The following FAF2 variants were observed in gnomAD, a reference collection of about 807,000 sequenced individuals.
FAF2 encodes the protein Fas associated factor family member 2, also known as FAS-associated factor 2.
In FAF2, 9 loss-of-function variants were observed where a neutral mutation model predicts 62.3. That is an observed-to-expected ratio of 0.14 (90% CI 0.09 to 0.25). FAF2 has a LOEUF of 0.25. FAF2 is among the 10% of genes least tolerant of loss of function. The pLI, the probability that FAF2 is intolerant of heterozygous loss-of-function variation, is 1.00. For missense variants in FAF2, 368 were observed against 556.2 expected, an observed-to-expected ratio of 0.66 and a Z score of 3.40; for synonymous variants, 202 against 198.0, an observed-to-expected ratio of 1.02 and a Z score of -0.17.
At chr5:176,503,943 C>G (rs1343306043) in intron 10 of FAF2, among the ~76,000 whole-genome samples, 1 of 152,068 alleles carries the variant, frequency 6.6e-6, no homozygotes, top group Non-Finnish European at 1.5e-5. Context: ...AGGCGGATCA[C>G]TTAAGGCCAG....
At position 176,494,037 on chromosome 5, in the gene FAF2, G is replaced by A; in HGVS notation, c.522G>A (p.Leu174=). ...NDAKRELRFL[L]VYLHGDDHQD... ...CCAAAAGGGAGCTTCGCTTTCTTTT[G>A]GTTTATCTTCATGGAGATGATCACC... The change falls in exon 6 of 11, where the codon TTG becomes TTA. Residue 174 remains leucine, a synonymous_variant. Coordinates refer to ENST00000261942, the MANE Select transcript of FAF2 (RefSeq NM_014613.3). This position sits in a 1 kb window ranked among gnomAD's most constrained non-coding sequence, Gnocchi z 4.0. The A allele has an allele frequency of 1.2e-6, 2 of 1,613,920 alleles. No individual in the cohort carries two copies. The highest frequency in any genetic ancestry group is 8.5e-7 in the Non-Finnish European group (1 of 1,179,938).
intron 3 of FAF2, among the ~76,000 whole-genome samples, chr5:176,486,877 A>T (rs1758882847): frequency 6.6e-6 from 1 of 152,218 alleles, no homozygotes; most frequent in African/African-American, 2.4e-5. Flanking sequence ...GTTCACTTAA[A>T]TTTGACAGAC....
In FAF2 at chr5:176,494,565, A is replaced by T. The variant is rs181273217; in HGVS notation, c.661+290A>T. Among the ~76,000 whole-genome samples, 32 of 152,066 alleles carry T rather than the reference A, an allele frequency of 2.1e-4. No homozygotes were observed. The highest frequency in any genetic ancestry group is 6.2e-4 in the South Asian group (3 of 4,808). The stretch of plus-strand genomic sequence containing the variant: ...TGTTTTTATTTAATTAATTAAAAAA[A>T]TTTTTTTGAGATGGAGTCTTGCTCT... On this transcript the variant is annotated intron_variant, in intron 7 of 10. Transcript: ENST00000261942. The surrounding 1 kb of genome is among the most constrained non-coding windows in gnomAD (Gnocchi z 4.0).
intron 1 of FAF2, among the ~76,000 whole-genome samples, chr5:176,458,464 C>T (rs188132685): frequency 3.5e-5 from 4 of 115,120 alleles, no homozygotes; most frequent in African/African-American, 6.7e-5. Context: ...CGCTGGAGTG[C>T]GGTGGCTCGA....
intron 9 of FAF2, 125 bp downstream of exon 9, chr5:176,499,210 G>A (rs570863051): frequency 3.4e-6 from 3 of 874,718 alleles, no homozygotes; most frequent in East Asian, 3.2e-5. Context: ...AAAAAAAAAG[G>A]AAAAAGGAAA....
chr5:176,488,804 G>A (rs1758919309), intron 3 of FAF2, 147 bp from the exon 4 acceptor site: 1 of 642,382 alleles, frequency 1.6e-6, no homozygotes, highest in Non-Finnish European at 2.8e-6. Context: ...GCACTTAGAA[G>A]GATGAGGTGG....
intron 1 of FAF2, among the ~76,000 whole-genome samples, chr5:176,457,199 G>GT (rs1421921856): frequency 1.3e-5 from 2 of 151,986 alleles, no homozygotes; most frequent in African/African-American, 2.4e-5. Context: ...TTTTTGTTTT[G>GT]TTTTTTTGAG....
At chr5:176,481,628 G>T (rs1274008542) in intron 2 of FAF2, among the ~76,000 whole-genome samples, 1 of 151,860 alleles carries the variant, frequency 6.6e-6, no homozygotes, top group Non-Finnish European at 1.5e-5. Context: ...CTGCACTCCA[G>T]CCTGGGGGAC....
At chr5:176,505,455 A>G (rs17078245) in intron 10 of FAF2, among the ~76,000 whole-genome samples, 2,565 of 152,248 alleles carry the variant, frequency 0.017, 73 homozygotes, top group African/African-American at 0.058. Context: ...GGTGCAACAC[A>G]TTTATTGTAT....
chr5:176,456,567 G>A (rs1367731978), intron 1 of FAF2, among the ~76,000 whole-genome samples: 1 of 46,552 alleles, frequency 2.1e-5, no homozygotes, highest in African/African-American at 1.3e-4. Flanking sequence ...CTGAGCTCAA[G>A]CAGTCCACCC....
chr5:176,460,513 C>CGCGT (rs1554131473), intron 1 of FAF2, among the ~76,000 whole-genome samples: 2,713 of 132,664 alleles, frequency 0.02, 33 homozygotes, highest in Non-Finnish European at 0.03. Context: ...TTTTTGGCCG[C>CGCGT]GTGTGTGTGT....
intron 1 of FAF2, among the ~76,000 whole-genome samples, chr5:176,470,767 C>T (rs912984326): frequency 1.3e-5 from 2 of 152,196 alleles, no homozygotes; most frequent in Non-Finnish European, 1.5e-5. Context: ...TTTAAGAGAT[C>T]ACTGGAAAAC....
intron 3 of FAF2, among the ~76,000 whole-genome samples, chr5:176,487,195 T>C (rs911010604): frequency 6.6e-6 from 1 of 152,178 alleles, no homozygotes; most frequent in Non-Finnish European, 1.5e-5. Flanking sequence ...TTGTGTTTTG[T>C]TCTGTTTGAG....
chr5:176,448,707 G>C (rs1581464266), intron 1 of FAF2, among the ~76,000 whole-genome samples: 1 of 152,088 alleles, frequency 6.6e-6, no homozygotes, highest in Admixed American at 6.6e-5. Context: ...TGCCCTCAGC[G>C]TGTCAGCTTC....
intron 1 of FAF2, among the ~76,000 whole-genome samples, chr5:176,474,029 A>C (rs190230308): frequency 1.1e-4 from 17 of 152,322 alleles, no homozygotes; most frequent in African/African-American, 4.1e-4. Context: ...TTAGAAACCA[A>C]GTTCTAGGCA....
At chr5:176,491,816 C>T (rs1276754202) in intron 4 of FAF2, among the ~76,000 whole-genome samples, 1 of 152,172 alleles carries the variant, frequency 6.6e-6, no homozygotes, top group Admixed American at 6.6e-5. Context: ...CTAGTGGCTA[C>T]AGTACTTAGA....
chr5:176,475,036 T>G (rs1249916689), intron 1 of FAF2, among the ~76,000 whole-genome samples: 4 of 152,232 alleles, frequency 2.6e-5, no homozygotes, highest in African/African-American at 9.6e-5. Context: ...GCTTCACTAC[T>G]TAAAAAGTGT....
chr5:176,486,409 C>A lies in FAF2; in HGVS notation c.187C>A (p.Pro63Thr), dbSNP rs748033981. The A allele has an allele frequency of 6.2e-7, 1 of 1,614,162 alleles. No homozygotes were observed. The highest frequency in any genetic ancestry group is 1.1e-5 in the South Asian group (1 of 91,086). ...EQEGVPSVFNPPPSRPLQVNT... is the reference protein window; with the variant it reads ...EQEGVPSVFNTPPSRPLQVNT... ...AGAGGGCGTACCTAGTGTTTTCAAC[C>A]CACCTCCATCACGACCCCTGCAGGT... is the stretch of plus-strand genomic sequence containing the variant. The change falls in exon 3 of 11, where the codon CCA becomes ACA. Residue 63 changes from proline (P) to threonine (T), a missense_variant. Physicochemically the swap from Pro to Thr is conservative, Grantham distance 38 (BLOSUM62 -1). Around this residue, in one of 2 missense-constraint regions of FAF2, gnomAD observed 331 missense variants for 441.9 expected, o/e 0.75. Coordinates refer to ENST00000261942, the MANE Select transcript of FAF2 (RefSeq NM_014613.3).
chr5:176,468,942 T>C (rs985786694), intron 1 of FAF2, among the ~76,000 whole-genome samples: 1 of 151,902 alleles, frequency 6.6e-6, no homozygotes, highest in East Asian at 1.9e-4. Context: ...ACCCTGTCTG[T>C]AAAAAATATA....
Sources: allele counts gnomAD v4.1 joint callset (sites outside exome capture counted in the v4.1 genomes callset), GRCh38; gene constraint gnomAD v4.1.1; regional missense constraint gnomAD v4.1.1; non-coding constraint Gnocchi (gnomAD v3.1); transcripts MANE v1.5; gene names NCBI Gene and HGNC (gene_info 2026-07-23, HGNC 2026-07-21).